Variants in GMDS observed in about 807,000 individuals in gnomAD.
GMDS encodes the protein GDP-mannose 4,6 dehydratase.
A neutral mutation model predicts 49.9 loss-of-function variants in GMDS; 20 were observed. That is an observed-to-expected ratio of 0.40 (90% CI 0.28 to 0.58). The LOEUF (loss-of-function observed/expected upper bound fraction) is 0.58, where lower values mean the gene tolerates loss of function less well. GMDS is among the 20% of genes least tolerant of loss of function. The probability of loss-of-function intolerance (pLI) is 0.42; values close to 1 mark genes in which losing one functional copy is unlikely to be tolerated. For synonymous variants in GMDS, 177 were observed against 178.6 expected (o/e 0.99, Z 0.07); for missense variants, 362 against 481.4 (o/e 0.75, Z 2.32).
At chr6:1,842,844 G>A (rs555057199) in intron 7 of GMDS, among the ~76,000 whole-genome samples, 95 of 152,266 alleles carry the variant, frequency 6.2e-4, no homozygotes, top group African/African-American at 2.2e-3. Context: ...GCCAGGAGCC[G>A]TGGCTCACAC....
chr6:2,213,954 A>C (rs990091327), intron 1 of GMDS, among the ~76,000 whole-genome samples: 3 of 152,252 alleles, frequency 2.0e-5, no homozygotes, highest in Admixed American at 2.0e-4. Context: ...AAATTAAAAT[A>C]AACCTGCCTT....
rs62390655 is a variant in GMDS, at chr6:1,659,994, G to A, written c.988-35454C>T. On this transcript the variant is annotated intron_variant, in intron 9 of 10. Transcript: ENST00000380815. ...GTGGTGCACCCCAAAAGGAAGTCTC[G>A]GTGGCCTAGACTCCAACGTCCAGTG... Among the ~76,000 whole-genome samples, 303 of 152,166 alleles carry A rather than the reference G, an allele frequency of 2.0e-3. 3 individuals carry two copies. Among genetic ancestry groups the A allele is most frequent in the Non-Finnish European group, 3.7e-3 (251 of 68,018 alleles).
chr6:1,764,246 C>T (rs1346008535), intron 7 of GMDS, among the ~76,000 whole-genome samples: 3 of 152,058 alleles, frequency 2.0e-5, no homozygotes, highest in East Asian at 3.9e-4. Context: ...AGGGTGAATA[C>T]GAAAACATGC....
intron 9 of GMDS, among the ~76,000 whole-genome samples, chr6:1,656,441 T>C (rs1763882952): frequency 6.6e-6 from 1 of 152,272 alleles, no homozygotes; most frequent in East Asian, 1.9e-4. Flanking sequence ...ATTGATATGA[T>C]TGTTGGAAAA....
At chr6:2,107,380 A>G (rs1324190094) in intron 4 of GMDS, among the ~76,000 whole-genome samples, 1 of 152,198 alleles carries the variant, frequency 6.6e-6, no homozygotes, top group Non-Finnish European at 1.5e-5. Flanking sequence ...GCACCCACCA[A>G]CAGCATACAC....
intron 1 of GMDS, among the ~76,000 whole-genome samples, chr6:2,162,842 C>T (rs1257471107): frequency 6.6e-6 from 1 of 152,164 alleles, no homozygotes; most frequent in Non-Finnish European, 1.5e-5. Context: ...ACTGCTTCCA[C>T]AGGAAACCGA....
intron 4 of GMDS, among the ~76,000 whole-genome samples, chr6:1,977,937 T>C (rs987758202): frequency 2.6e-5 from 4 of 152,128 alleles, no homozygotes; most frequent in Non-Finnish European, 4.4e-5. Context: ...GGTCTGCACA[T>C]ACCCTAGGAA....
At position 2,176,272 on chromosome 6, in the gene GMDS, A is replaced by T. The variant is rs115072945; in HGVS notation, c.103-51541T>A. Among the ~76,000 whole-genome samples the T allele has an allele frequency of 2.9e-3, 434 of 151,974 alleles. 3 individuals carry two copies. Among genetic ancestry groups the T allele is most frequent in the African/African-American group, 9.6e-3 (396 of 41,430 alleles). The stretch of plus-strand genomic sequence containing the variant: ...GAAAAACCCATTTTTCTTAAAAAAA[A>T]TTTTTTTTTCTTAATATTTTATCTC... On this transcript the variant is annotated intron_variant, in intron 1 of 10. Transcript: ENST00000380815.
intron 8 of GMDS, among the ~76,000 whole-genome samples, chr6:1,727,587 A>T (rs1178719938): frequency 1.3e-5 from 2 of 152,170 alleles, no homozygotes; most frequent in Admixed American, 1.3e-4. Flanking sequence ...AGACAAAATT[A>T]GTTACCTGCC....
chr6:2,001,553 T>C (rs557173212), intron 4 of GMDS, among the ~76,000 whole-genome samples: 71 of 152,282 alleles, frequency 4.7e-4, no homozygotes, highest in African/African-American at 1.7e-3. Flanking sequence ...GCACTGATTT[T>C]AAAAACCATA....
At chr6:2,177,847 G>A (rs749062789) in intron 1 of GMDS, among the ~76,000 whole-genome samples, 2 of 152,202 alleles carry the variant, frequency 1.3e-5, no homozygotes, top group Admixed American at 6.5e-5. Context: ...AATATTCACC[G>A]CAGCATTATT....
intron 9 of GMDS, among the ~76,000 whole-genome samples, chr6:1,643,900 G>A (rs549815292): frequency 6.6e-6 from 1 of 152,262 alleles, no homozygotes; most frequent in African/African-American, 2.4e-5. Flanking sequence ...AAAACCCTGA[G>A]AGGAAACAAA....
intron 9 of GMDS, among the ~76,000 whole-genome samples, chr6:1,708,011 C>T (rs1329173556): frequency 2.0e-5 from 3 of 152,120 alleles, no homozygotes; most frequent in African/African-American, 4.8e-5. Flanking sequence ...CGTTATTAAA[C>T]ATTTTCTGGA....
intron 9 of GMDS, among the ~76,000 whole-genome samples, chr6:1,678,893 A>G (rs1175032741): frequency 1.3e-5 from 2 of 152,198 alleles, no homozygotes; most frequent in South Asian, 2.1e-4. Flanking sequence ...ATTGCTAAAC[A>G]TTACAAGGAT....
At chr6:1,799,757 A>T (rs1307702277) in intron 7 of GMDS, among the ~76,000 whole-genome samples, 7 of 152,118 alleles carry the variant, frequency 4.6e-5, no homozygotes, top group Non-Finnish European at 8.8e-5. Context: ...TGCCACTAAC[A>T]CACATTGTTG....
At chr6:2,214,271 C>G (rs1780213377) in intron 1 of GMDS, among the ~76,000 whole-genome samples, 1 of 152,142 alleles carries the variant, frequency 6.6e-6, no homozygotes, top group Non-Finnish European at 1.5e-5. Context: ...AATAACTGAT[C>G]ATTTATTTTG....
intron 1 of GMDS, among the ~76,000 whole-genome samples, chr6:2,223,229 T>A (rs1780674881): frequency 6.6e-6 from 1 of 152,084 alleles, no homozygotes. Flanking sequence ...CCATGACTAA[T>A]GTGGATATGG....
chr6:1,989,946 A>G (rs947273125), intron 4 of GMDS, among the ~76,000 whole-genome samples: 7 of 152,382 alleles, frequency 4.6e-5, no homozygotes, highest in African/African-American at 1.7e-4. Flanking sequence ...AGATGGATAC[A>G]AATATTATTC....
intron 4 of GMDS, among the ~76,000 whole-genome samples, chr6:1,970,476 C>T (rs565429497): frequency 4.6e-5 from 7 of 152,260 alleles, no homozygotes; most frequent in African/African-American, 4.8e-5. Context: ...AGAAGCACTG[C>T]GGCTCAGTGG....
Sources: gnomAD v4.1 joint callset for allele counts (sites outside exome capture counted in the v4.1 genomes callset) on GRCh38, gnomAD v4.1.1 for gene constraint, MANE v1.5 for transcripts, NCBI Gene and HGNC (gene_info 2026-07-23, HGNC 2026-07-21) for gene names.